Variants in ENPEP observed in about 807,000 individuals in gnomAD.
ENPEP encodes glutamyl aminopeptidase, also known as AP-A.
In ENPEP, 103 loss-of-function variants were observed where a neutral mutation model predicts 114.5. The observed-to-expected ratio is 0.90, with a 90% confidence interval of 0.77 to 1.06. The LOEUF (loss-of-function observed/expected upper bound fraction) is 1.06. ENPEP is among the 50% of genes least tolerant of loss of function. ENPEP has a pLI of 0.00. For synonymous variants in ENPEP, 420 were observed against 422.0 expected (o/e 1.00, Z 0.06); for missense variants, 1,196 against 1,161.3 (o/e 1.03, Z -0.43).
chr4:110,549,270 C>T, intron 14 of ENPEP, 76 bp from the exon 15 acceptor site: 1 of 1,152,794 alleles, frequency 8.7e-7, no homozygotes, highest in East Asian at 2.4e-5. Context: ...ATAACAGGGG[C>T]TGCTGAGTAT....
chr4:110,527,891 G>A (rs746986275), intron 10 of ENPEP, among the ~76,000 whole-genome samples: 18 of 152,168 alleles, frequency 1.2e-4, no homozygotes, highest in Admixed American at 3.9e-4. Flanking sequence ...TTTAAACTAA[G>A]GAGTTTTTTT....
chr4:110,557,971 A>G (rs1727536757), intron 18 of ENPEP, among the ~76,000 whole-genome samples: 1 of 150,702 alleles, frequency 6.6e-6, no homozygotes, highest in Non-Finnish European at 1.5e-5. Context: ...GCTCTTTATC[A>G]TATATATTAC....
chr4:110,512,076 C>T (rs569185758), intron 6 of ENPEP, among the ~76,000 whole-genome samples: 2 of 152,076 alleles, frequency 1.3e-5, no homozygotes, highest in Non-Finnish European at 2.9e-5. Flanking sequence ...TTCATTCATT[C>T]TTCATTCAGC....
chr4:110,557,970 C>T (rs961985889), intron 18 of ENPEP, among the ~76,000 whole-genome samples: 2 of 147,980 alleles, frequency 1.4e-5, no homozygotes, highest in Non-Finnish European at 3.0e-5. Context: ...TGCTCTTTAT[C>T]ATATATATTA....
chr4:110,494,014 G>T (rs1419367642), intron 3 of ENPEP, among the ~76,000 whole-genome samples: 2 of 152,124 alleles, frequency 1.3e-5, no homozygotes, highest in East Asian at 3.8e-4. Context: ...TCCCGAAAAA[G>T]TCATAACAAA....
rs1725927989 is a variant in ENPEP at position 110,520,092 on chromosome 4, C to T, written c.1575+19C>T. 1 of 1,611,198 alleles carries T rather than the reference C, an allele frequency of 6.2e-7. No homozygotes were observed. The highest frequency in any genetic ancestry group is 8.5e-7 in the Non-Finnish European group (1 of 1,177,898). On this transcript the variant is annotated intron_variant, in intron 9 of 19. Coordinates refer to ENST00000265162, the MANE Select transcript of ENPEP (RefSeq NM_001977.4). ...GGAAGAGGTAAGGAAGAGTATATGT[C>T]CCCAAATATTTCTTTGTCTGATTTA...
At chr4:110,558,827 T>C (rs1285389724) in intron 18 of ENPEP, among the ~76,000 whole-genome samples, 1 of 152,182 alleles carries the variant, frequency 6.6e-6, no homozygotes, top group East Asian at 1.9e-4. Flanking sequence ...GGGTAGAATA[T>C]CATCTTTAAA....
At chr4:110,488,263 T>C (rs1180770964) in intron 1 of ENPEP, among the ~76,000 whole-genome samples, 1 of 152,218 alleles carries the variant, frequency 6.6e-6, no homozygotes, top group Non-Finnish European at 1.5e-5. Flanking sequence ...CCAAAATAGC[T>C]GTTAGGTTGA....
chr4:110,557,465 A>G (rs763216378), intron 18 of ENPEP, among the ~76,000 whole-genome samples: 8 of 152,204 alleles, frequency 5.3e-5, no homozygotes, highest in Non-Finnish European at 8.8e-5. Context: ...AAGGGAACAG[A>G]GGTTTTTAAA....
chr4:110,527,635 C>T (rs1726246552), intron 10 of ENPEP, among the ~76,000 whole-genome samples: 1 of 152,166 alleles, frequency 6.6e-6, no homozygotes, highest in African/African-American at 2.4e-5. Context: ...AGAATAATCT[C>T]TGTGGTAGTT....
intron 8 of ENPEP, chr4:110,519,282 A>G: frequency 3.2e-6 from 1 of 308,462 alleles, no homozygotes; most frequent in South Asian, 3.0e-5. Context: ...AGTGAAAATG[A>G]TATGTGCAAA....
At chr4:110,496,082 A>G (rs1724925488) in intron 3 of ENPEP, among the ~76,000 whole-genome samples, 1 of 152,212 alleles carries the variant, frequency 6.6e-6, no homozygotes, top group Admixed American at 6.5e-5. Context: ...TGATCGCTGA[A>G]TAATTGCATC....
chr4:110,489,498 G>T (rs923078507), intron 2 of ENPEP, among the ~76,000 whole-genome samples: 1 of 151,924 alleles, frequency 6.6e-6, no homozygotes, highest in African/African-American at 2.4e-5. Flanking sequence ...AGTGGCACGT[G>T]TATACCTATG....
At chr4:110,525,308 T>C (rs1434815620) in intron 10 of ENPEP, among the ~76,000 whole-genome samples, 1 of 152,230 alleles carries the variant, frequency 6.6e-6, no homozygotes, top group Non-Finnish European at 1.5e-5. Context: ...GATGTACCAC[T>C]CTGGGGACAT....
chr4:110,516,671 A>G (rs953108324), intron 8 of ENPEP, among the ~76,000 whole-genome samples: 1 of 152,170 alleles, frequency 6.6e-6, no homozygotes, highest in African/African-American at 2.4e-5. Context: ...AGCCCTCTCT[A>G]CACTACTCTA....
At chr4:110,498,434 A>G (rs756278483) in intron 3 of ENPEP, among the ~76,000 whole-genome samples, 3 of 152,172 alleles carry the variant, frequency 2.0e-5, no homozygotes, top group Non-Finnish European at 2.9e-5. Flanking sequence ...CAATAAGTAG[A>G]GTGACCATAT....
At chr4:110,497,962 A>C (rs1005840638) in intron 3 of ENPEP, among the ~76,000 whole-genome samples, 1 of 152,248 alleles carries the variant, frequency 6.6e-6, no homozygotes, top group African/African-American at 2.4e-5. Flanking sequence ...TGGCATGTTC[A>C]GTAATACCAG....
At chr4:110,545,502 G>A (rs1727021993) in intron 13 of ENPEP, among the ~76,000 whole-genome samples, 1 of 152,014 alleles carries the variant, frequency 6.6e-6, no homozygotes, top group African/African-American at 2.4e-5. Flanking sequence ...GGAATGGGGT[G>A]ATTGATTTCC....
intron 4 of ENPEP, among the ~76,000 whole-genome samples, chr4:110,507,456 G>A (rs1725413248): frequency 2.0e-5 from 3 of 152,182 alleles, no homozygotes; most frequent in African/African-American, 7.2e-5. Context: ...AAGGCAGTAA[G>A]AAAACAAATT....
Sources: allele counts gnomAD v4.1 joint callset (sites outside exome capture counted in the v4.1 genomes callset), GRCh38; gene constraint gnomAD v4.1.1; transcripts MANE v1.5; gene names NCBI Gene and HGNC (gene_info 2026-07-23, HGNC 2026-07-21).